The following VPS37A variants were observed in gnomAD, a reference collection of about 807,000 sequenced individuals.
The protein encoded by VPS37A is vacuolar protein sorting-associated protein 37A.
Under a neutral mutation model 49.8 loss-of-function variants are expected in VPS37A, and 30 were observed. The ratio of observed to expected loss-of-function variants is 0.60; its 90% CI spans 0.45 to 0.82. The LOEUF is 0.82. VPS37A is among the 40% of genes least tolerant of loss of function. VPS37A has a pLI of 0.00. For synonymous variants in VPS37A, 195 were observed against 160.6 expected (o/e 1.21, Z -1.62); for missense variants, 593 against 464.4 (o/e 1.28, Z -2.55).
chr8:17,274,578 A>T (rs2150390693), intron 4 of VPS37A, among the ~76,000 whole-genome samples, 155 bp from the exon 5 acceptor site: 1 of 152,202 alleles, frequency 6.6e-6, no homozygotes, highest in South Asian at 2.1e-4. Flanking sequence ...TTTATATAAT[A>T]TTTAATTCCA....
At chr8:17,315,047 C>T in the VPS37A span, among the ~76,000 whole-genome samples, 1 of 152,264 alleles carries the variant, frequency 6.6e-6, no homozygotes. Context: ...CTTGGGTAGT[C>T]AGCCGTGGGC....
the VPS37A span, chr8:17,313,453 ACATATGAT>A: frequency 1.7e-6 from 2 of 1,166,492 alleles, no homozygotes; most frequent in Non-Finnish European, 2.5e-6. Flanking sequence ...CTCTCATTTT[ACATATGAT>A]CATGTTTTAT....
At chr8:17,257,371 C>G (rs1010406881) in intron 1 of VPS37A, among the ~76,000 whole-genome samples, 1 of 152,126 alleles carries the variant, frequency 6.6e-6, no homozygotes, top group Non-Finnish European at 1.5e-5. Flanking sequence ...CAACCTTGTT[C>G]TTTTTGCTCA....
intron 1 of VPS37A, among the ~76,000 whole-genome samples, chr8:17,253,591 C>T (rs531952160): frequency 2.0e-4 from 30 of 152,268 alleles, no homozygotes; most frequent in Non-Finnish European, 4.0e-4. Context: ...TAGGGCTTCT[C>T]CATTTAAAAT....
chr8:17,262,351 T>C (rs1034337738), intron 1 of VPS37A, among the ~76,000 whole-genome samples: 1 of 152,194 alleles, frequency 6.6e-6, no homozygotes, highest in Non-Finnish European at 1.5e-5. Flanking sequence ...TCTATTTGTT[T>C]CCATTTGGGG....
Position 17,289,757 on chromosome 8 carries a change from G to A in VPS37A, c.*3330G>A, listed in dbSNP as rs188782854. Among the ~76,000 whole-genome samples the A allele has an allele frequency of 3.3e-5, 5 of 152,314 alleles. No individual in the cohort carries two copies. In the East Asian group the frequency reaches 7.7e-4, roughly 23 times the overall value. On this transcript the variant is annotated intron_variant, in intron 11 of 11. Transcript: ENST00000324849. Reference sequence around the variant, plus strand: ...CTGTGAAGAAATTCAATGGTAGCTCGATGGGAACAGCATAGAATCTATAAA... The same window carrying A: ...CTGTGAAGAAATTCAATGGTAGCTCAATGGGAACAGCATAGAATCTATAAA...
In VPS37A at chr8:17,279,783, G is replaced by C. The variant is rs190591984; in HGVS notation, c.714-245G>C. 289 of 543,976 alleles carry C rather than the reference G, an allele frequency of 5.3e-4. 2 individuals are homozygous for C. The highest frequency in any genetic ancestry group is 5.0e-3 in the African/African-American group (268 of 53,506). 33.7% of individuals were successfully genotyped at this position (543,976 alleles called of 1,614,324 possible). ...GATTTTTAAAGAAAGTAGATATATCGATATATCCATTGGACCAAAATTTAC... is the reference window on the plus strand; with the variant it reads ...GATTTTTAAAGAAAGTAGATATATCCATATATCCATTGGACCAAAATTTAC... On this transcript the variant is annotated intron_variant, in intron 6 of 11. Coordinates refer to ENST00000324849, the MANE Select transcript of VPS37A (RefSeq NM_152415.3).
chr8:17,314,468 C>T, the VPS37A span, among the ~76,000 whole-genome samples: 10 of 151,988 alleles, frequency 6.6e-5, no homozygotes, highest in Admixed American at 5.9e-4. Flanking sequence ...AACTGTAAAC[C>T]CCCAGATTCA....
chr8:17,276,431 A>G lies in VPS37A; in HGVS notation c.677A>G (p.Asp226Gly). The G allele has an allele frequency of 6.2e-7, 1 of 1,612,828 alleles. No homozygotes were observed. Among genetic ancestry groups the G allele is most frequent in the Non-Finnish European group, 8.5e-7 (1 of 1,179,422 alleles). Reference sequence around the variant, plus strand: ...AATGGTTTTGGGTACAAGATGCCAGATGTCCCTGATGCATTTCCAGAACTC... The same window carrying G: ...AATGGTTTTGGGTACAAGATGCCAGGTGTCCCTGATGCATTTCCAGAACTC... ...SQNGFGYKMP[D>G]VPDAFPELSE... Residue 226 changes from aspartate to glycine, a missense_variant, in exon 6 of 12, where the codon GAT becomes GGT. Transcript: ENST00000324849.
At chr8:17,302,703 A>AC (rs35520166), downstream of VPS37A, among the ~76,000 whole-genome samples, 501 of 10,344 alleles carry the variant, frequency 0.048, 94 homozygotes, top group East Asian at 0.088. Flanking sequence ...ATTGGCAATA[A>AC]CCCCCCCCCC....
chr8:17,248,950 G>C (rs935106663), intron 1 of VPS37A, among the ~76,000 whole-genome samples: 1 of 152,164 alleles, frequency 6.6e-6, no homozygotes, highest in Non-Finnish European at 1.5e-5. Flanking sequence ...CTCTCACAAG[G>C]TATGCTTATA....
At chr8:17,311,905 G>C in the VPS37A span, 1 of 375,944 alleles carries the variant, frequency 2.7e-6, no homozygotes, top group Non-Finnish European at 4.8e-6. Context: ...ATAAGCATTC[G>C]TCCTATGCAA....
intron 6 of VPS37A, among the ~76,000 whole-genome samples, chr8:17,279,337 T>C (rs934452332): frequency 2.0e-5 from 3 of 152,132 alleles, no homozygotes; most frequent in African/African-American, 4.8e-5. Context: ...GCCAAAATGT[T>C]ACAGTAACTA....
intron 1 of VPS37A, among the ~76,000 whole-genome samples, chr8:17,263,574 T>C (rs1585963433): frequency 6.6e-6 from 1 of 152,204 alleles, no homozygotes; most frequent in African/African-American, 2.4e-5. Flanking sequence ...AGAAAATGAA[T>C]TGGACATTTC....
chr8:17,293,183 G>C (rs536625141), intron 11 of VPS37A, among the ~76,000 whole-genome samples: 1 of 151,206 alleles, frequency 6.6e-6, no homozygotes, highest in Admixed American at 6.6e-5. Context: ...TTGTCTTCAC[G>C]CTTTTTTTCA....
the VPS37A span, among the ~76,000 whole-genome samples, chr8:17,330,979 C>A: frequency 6.6e-6 from 1 of 152,172 alleles, no homozygotes; most frequent in African/African-American, 2.4e-5. Flanking sequence ...CACAGTGATG[C>A]TTACAAATAA....
chr8:17,288,817 C>T (rs55723462), intron 11 of VPS37A, among the ~76,000 whole-genome samples: 1 of 152,194 alleles, frequency 6.6e-6, no homozygotes, highest in Non-Finnish European at 1.5e-5. Flanking sequence ...AATGGTTGAA[C>T]TAATTTACAC....
intron 1 of VPS37A, among the ~76,000 whole-genome samples, chr8:17,250,496 C>T (rs1811873100): frequency 6.6e-6 from 1 of 152,022 alleles, no homozygotes; most frequent in Non-Finnish European, 1.5e-5. Context: ...ACATGCTGTC[C>T]ATCTCCCTCA....
chr8:17,313,771 G>GA, the VPS37A span, among the ~76,000 whole-genome samples: 1 of 152,124 alleles, frequency 6.6e-6, no homozygotes, highest in South Asian at 2.1e-4. Context: ...GTGCTATGAG[G>GA]AAAAAAATCA....
Sources: allele counts gnomAD v4.1 joint callset (sites outside exome capture counted in the v4.1 genomes callset), GRCh38; gene constraint gnomAD v4.1.1; transcripts MANE v1.5; gene names NCBI Gene and HGNC (gene_info 2026-07-23, HGNC 2026-07-21).